Variants in RAD50 observed in about 807,000 individuals in gnomAD.
The protein encoded by RAD50 is RAD50 double strand break repair protein, also known as DNA repair protein RAD50.
RAD50 carries 132 observed loss-of-function variants against 168.8 expected under a neutral mutation model. The observed-to-expected ratio is 0.78, with a 90% CI of 0.68 to 0.90. RAD50 has a LOEUF of 0.90. Ranked by LOEUF, RAD50 falls within the 40% of genes least tolerant of loss-of-function variation. RAD50 has a pLI of 0.00. For missense variants in RAD50, 1,347 were observed against 1,534.4 expected (o/e 0.88, Z 2.04); for synonymous variants, 525 against 497.4 (o/e 1.06, Z -0.74).
At chr5:132,584,473 G>T (rs1750560108) in intron 5 of RAD50, among the ~76,000 whole-genome samples, 1 of 152,166 alleles carries the variant, frequency 6.6e-6, no homozygotes, top group Admixed American at 6.5e-5. Context: ...TGTTCACTCT[G>T]ATGGTAGTTT....
intron 2 of RAD50, among the ~76,000 whole-genome samples, chr5:132,563,123 C>G (rs982719700): frequency 6.6e-6 from 1 of 152,116 alleles, no homozygotes; most frequent in African/African-American, 2.4e-5. Context: ...AGGACAGTAG[C>G]TGAAGAGGTT....
chr5:132,558,925 C>A (rs75420182), intron 1 of RAD50, among the ~76,000 whole-genome samples: 2 of 152,082 alleles, frequency 1.3e-5, no homozygotes, highest in Admixed American at 6.5e-5. Flanking sequence ...AAAGTTCCTA[C>A]AGCCTGGAGT....
At chr5:132,642,056 G>A (rs1751733450) in intron 24 of RAD50, 122 bp from the exon 25 acceptor site, 1 of 1,060,348 alleles carries the variant, frequency 9.4e-7, no homozygotes, top group African/African-American at 1.6e-5. Context: ...CTTCCTGCAG[G>A]GTAGCTGGGG....
At chr5:132,595,356 A>G (rs1750770932) in intron 12 of RAD50, 1 of 497,950 alleles carries the variant, frequency 2.0e-6, no homozygotes, top group African/African-American at 1.9e-5. Context: ...TGTTATACTT[A>G]TAATGTGTTA....
At chr5:132,572,983 A>G (rs543706105) in intron 2 of RAD50, among the ~76,000 whole-genome samples, 1 of 152,366 alleles carries the variant, frequency 6.6e-6, no homozygotes, top group South Asian at 2.1e-4. Flanking sequence ...ATTATTTTAT[A>G]TGCCACAGCT....
chr5:132,574,885 C>G (rs1228144319), intron 2 of RAD50, among the ~76,000 whole-genome samples: 3 of 152,212 alleles, frequency 2.0e-5, no homozygotes, highest in African/African-American at 7.2e-5. Context: ...TTCCTTATCT[C>G]CATCTGAGAC....
At chr5:132,639,818 G>A (rs1329031355) in intron 23 of RAD50, among the ~76,000 whole-genome samples, 3 of 152,184 alleles carry the variant, frequency 2.0e-5, no homozygotes, top group Admixed American at 2.0e-4. Flanking sequence ...GGAAATGCCT[G>A]TCCCTCACAG....
At chr5:132,604,238 A>C (rs1278282584) in intron 15 of RAD50, among the ~76,000 whole-genome samples, 192 bp downstream of exon 15, 2 of 151,666 alleles carry the variant, frequency 1.3e-5, no homozygotes, top group East Asian at 3.9e-4. Flanking sequence ...GAACAGTAGG[A>C]GAGTATGAAA....
At chr5:132,608,821 G>A (rs1164696074) in intron 17 of RAD50, 96 bp downstream of exon 17, 2 of 1,463,414 alleles carry the variant, frequency 1.4e-6, no homozygotes. Flanking sequence ...AAATTAAATA[G>A]CATAAGATAA....
rs369638979 is a variant in RAD50 at position 132,609,395 on chromosome 5, A to G, written c.3035A>G (p.Lys1012Arg). Reference sequence around the variant, plus strand: ...ATGAGACAAGATATTGATACACAGAAGGTAGGTCTGTTTTGCTTATGATAT... The same window carrying G: ...ATGAGACAAGATATTGATACACAGAGGGTAGGTCTGTTTTGCTTATGATAT... ...RLMRQDIDTQKIQERWLQDNL... is the reference protein window; with the variant it reads ...RLMRQDIDTQRIQERWLQDNL... The change falls in exon 19 of 25, where the codon AAG becomes AGG. Residue 1012 changes from lysine (K) to arginine (R), a missense_variant and splice_region_variant. Transcript: ENST00000378823. 2 of 1,613,638 alleles carry G rather than the reference A, an allele frequency of 1.2e-6. No individual in the cohort carries two copies. Among genetic ancestry groups the G allele is most frequent in the East Asian group, 2.2e-5 (1 of 44,766 alleles).
intron 2 of RAD50, among the ~76,000 whole-genome samples, chr5:132,567,782 C>G (rs1475650411): frequency 6.6e-6 from 1 of 152,102 alleles, no homozygotes; most frequent in East Asian, 1.9e-4. Context: ...TCACTTGAGA[C>G]CTCAGAAAGG....
At chr5:132,578,103 G>A (rs936557609) in intron 3 of RAD50, among the ~76,000 whole-genome samples, 6 of 152,012 alleles carry the variant, frequency 3.9e-5, no homozygotes, top group African/African-American at 9.7e-5. Context: ...GTGAGCCACC[G>A]CGCCCAGCCC....
Position 132,595,020 on chromosome 5 carries a change from A to G in RAD50, c.1945A>G (p.Ile649Val). Residue 649 changes from isoleucine (I) to valine (V), a missense_variant, in exon 12 of 25, where the codon ATT becomes GTT. Physicochemically the swap from Ile to Val is conservative, Grantham distance 29. Around this residue, in one of 3 missense-constraint regions of RAD50, gnomAD observed 703 missense variants for 767.7 expected, o/e 0.92. Transcript: ENST00000378823. ...TGATTTAGACAGGCTTAAAGAGGAA[A>G]TTGAAAAATCATCAAAACAGCGAGG... is the stretch of plus-strand genomic sequence containing the variant. ...ESDLDRLKEE[I>V]EKSSKQRAML... 6.2e-7 allele frequency: 1 copy of G among 1,613,710 alleles called. No homozygotes were observed. Among genetic ancestry groups the G allele is most frequent in the Non-Finnish European group, 8.5e-7 (1 of 1,179,666 alleles).
chr5:132,560,051 T>TACACAC (rs143575412), intron 2 of RAD50, among the ~76,000 whole-genome samples: 5,765 of 147,644 alleles, frequency 0.039, 358 homozygotes, highest in African/African-American at 0.14. Context: ...GAAACAACAA[T>TACACAC]ACACACACAC....
Position 132,568,088 on chromosome 5 carries a change from T to G in RAD50, c.214-7689T>G, listed in dbSNP as rs994083418. On this transcript the variant is annotated intron_variant, in intron 2 of 24. Coordinates refer to ENST00000378823, the MANE Select transcript of RAD50 (RefSeq NM_005732.4). Reference sequence around the variant, plus strand: ...TAAATTTTTTTTAAATTTTTTTTTTTGAGATGGAGTCTCACTCTGTTTCCC... The same window carrying G: ...TAAATTTTTTTTAAATTTTTTTTTTGGAGATGGAGTCTCACTCTGTTTCCC... Among the ~76,000 whole-genome samples, 85 of 152,082 alleles carry G rather than the reference T, an allele frequency of 5.6e-4. 1 individual carries two copies. Among genetic ancestry groups the G allele is most frequent in the African/African-American group, 1.8e-3 (75 of 41,480 alleles).
intron 2 of RAD50, among the ~76,000 whole-genome samples, chr5:132,560,622 G>T (rs1252091421): frequency 1.3e-5 from 2 of 152,118 alleles, no homozygotes; most frequent in Non-Finnish European, 2.9e-5. Flanking sequence ...TGCCCATACT[G>T]TTTTTTCTTG....
At chr5:132,633,721 A>C (rs1751518868) in intron 21 of RAD50, among the ~76,000 whole-genome samples, 1 of 151,626 alleles carries the variant, frequency 6.6e-6, no homozygotes, top group South Asian at 2.1e-4. Context: ...GACTACAGGC[A>C]CTCACCACCA....
At chr5:132,599,643 G>A (rs1237567628) in intron 13 of RAD50, among the ~76,000 whole-genome samples, 2 of 151,826 alleles carry the variant, frequency 1.3e-5, no homozygotes, top group South Asian at 2.1e-4. Context: ...TCGAAGCCTC[G>A]AACTCCTAAG....
At chr5:132,627,984 AG>A (rs1358260337) in intron 21 of RAD50, among the ~76,000 whole-genome samples, 1 of 152,206 alleles carries the variant, frequency 6.6e-6, no homozygotes, top group Admixed American at 6.5e-5. Context: ...AGGGAGGGAA[AG>A]TAAAATAACC....
Sources: gnomAD v4.1 joint callset for allele counts (sites outside exome capture counted in the v4.1 genomes callset) on GRCh38, gnomAD v4.1.1 for gene constraint, gnomAD v4.1.1 regional missense constraint, MANE v1.5 for transcripts, NCBI Gene and HGNC (gene_info 2026-07-23, HGNC 2026-07-21) for gene names.